HECW1: variants seen among roughly 807,000 people sequenced by gnomAD.
The protein encoded by HECW1 is E3 ubiquitin-protein ligase HECW1.
In HECW1, 61 loss-of-function variants were observed where a neutral mutation model predicts 182.3. The observed-to-expected ratio is 0.33, with a 90% CI of 0.27 to 0.41. The LOEUF (loss-of-function observed/expected upper bound fraction) is 0.41. Among genes scored for constraint, HECW1 ranks in the 10% least tolerant of loss-of-function variants. The probability of loss-of-function intolerance (pLI) is 1.00; values close to 1 mark genes in which losing one functional copy is unlikely to be tolerated. For missense variants in HECW1, 1,739 were observed against 2,108.9 expected, an observed-to-expected ratio of 0.82 and a Z score of 3.44; for synonymous variants, 859 against 832.6, an observed-to-expected ratio of 1.03 and a Z score of -0.55.
At chr7:43,485,903 C>T (rs943715488) in intron 17 of HECW1, among the ~76,000 whole-genome samples, 4 of 152,216 alleles carry the variant, frequency 2.6e-5, no homozygotes, top group South Asian at 2.1e-4. Context: ...TACATGTTTA[C>T]AATGCGCAGG....
chr7:43,390,249 G>A (rs998175914), intron 6 of HECW1, among the ~76,000 whole-genome samples: 1 of 152,090 alleles, frequency 6.6e-6, no homozygotes, highest in African/African-American at 2.4e-5. Flanking sequence ...GCATCAGAAA[G>A]CAAAGGGAGG....
At chr7:43,171,816 T>C (rs917135313) in intron 2 of HECW1, among the ~76,000 whole-genome samples, 2 of 152,116 alleles carry the variant, frequency 1.3e-5, no homozygotes, top group Non-Finnish European at 2.9e-5. Context: ...ATGGCACTTG[T>C]AGATAATAAA....
Position 43,457,764 on chromosome 7 carries a change from G to T in HECW1, c.2651+1317G>T, listed in dbSNP as rs376280424. 3.4e-4 allele frequency among the ~76,000 whole-genome samples: 50 copies of T among 145,478 alleles called. 1 individual carries two copies. In the South Asian group the frequency reaches 0.01, roughly 30 times the overall value. ...CACTCCAGCCTGGGAGACAGAGTAA[G>T]ACTCCATCTCAAAAAAAAAAAAACA... is the stretch of plus-strand genomic sequence containing the variant. On this transcript the variant is annotated intron_variant, in intron 13 of 29. Coordinates refer to ENST00000395891, the MANE Select transcript of HECW1 (RefSeq NM_015052.5).
Position 43,541,266 on chromosome 7 carries a change from G to T in HECW1, c.4118+5G>T. 6.2e-7 allele frequency: 1 copy of T among 1,608,754 alleles called. No homozygotes were observed. The highest frequency in any genetic ancestry group is 8.5e-7 in the Non-Finnish European group (1 of 1,175,162). ...CTACAAGGCACTCCTGAGACTGTAA[G>T]TGCTTTGCAGACCATGCTTCCAACC... On this transcript the variant is annotated splice_donor_5th_base_variant and intron_variant, in intron 25 of 29. Transcript: ENST00000395891.
chr7:43,462,906 C>A (rs1219092667), intron 13 of HECW1, among the ~76,000 whole-genome samples: 1 of 152,234 alleles, frequency 6.6e-6, no homozygotes. Context: ...ATACCTCTTG[C>A]CTGTCTGTGA....
intron 5 of HECW1, among the ~76,000 whole-genome samples, chr7:43,329,219 G>A (rs1204445111): frequency 6.6e-6 from 1 of 152,118 alleles, no homozygotes; most frequent in Non-Finnish European, 1.5e-5. Context: ...GGGTAGGTGA[G>A]ACAGAATTGG....
chr7:43,457,643 C>T (rs892363405), intron 13 of HECW1, among the ~76,000 whole-genome samples: 1 of 151,976 alleles, frequency 6.6e-6, no homozygotes, highest in African/African-American at 2.4e-5. Flanking sequence ...AGCGTGGTGG[C>T]AGGCACCTGT....
intron 5 of HECW1, among the ~76,000 whole-genome samples, chr7:43,331,093 G>A (rs1162792271): frequency 2.0e-5 from 3 of 151,836 alleles, no homozygotes; most frequent in Admixed American, 6.6e-5. Flanking sequence ...CCATTAACTC[G>A]TCGTTTACAT....
At chr7:43,372,381 T>C (rs969764406) in intron 6 of HECW1, among the ~76,000 whole-genome samples, 1 of 151,510 alleles carries the variant, frequency 6.6e-6, no homozygotes, top group Non-Finnish European at 1.5e-5. Context: ...TATTATACTT[T>C]AAGTTCTAGG....
intron 8 of HECW1, among the ~76,000 whole-genome samples, chr7:43,425,370 A>C (rs1490168652): frequency 6.7e-6 from 1 of 149,680 alleles, no homozygotes; most frequent in Non-Finnish European, 1.5e-5. Flanking sequence ...TCAATTCGGT[A>C]GGGTATCTTA....
chr7:43,152,248 G>A (rs948435704), intron 2 of HECW1, among the ~76,000 whole-genome samples: 6 of 152,176 alleles, frequency 3.9e-5, no homozygotes, highest in African/African-American at 1.2e-4. Flanking sequence ...AAACCCATCA[G>A]AATACAGAAC....
intron 8 of HECW1, among the ~76,000 whole-genome samples, chr7:43,428,078 G>C (rs185332265): frequency 2.0e-5 from 3 of 152,160 alleles, no homozygotes; most frequent in Non-Finnish European, 4.4e-5. Flanking sequence ...GTGTACACAG[G>C]GGGCAGGAAT....
chr7:43,518,939 CA>C (rs1172176832), intron 24 of HECW1, among the ~76,000 whole-genome samples: 1 of 152,120 alleles, frequency 6.6e-6, no homozygotes, highest in African/African-American at 2.4e-5. Context: ...TATAGCCTTT[CA>C]GGGGGGAATG....
chr7:43,163,904 T>C (rs1790818314), intron 2 of HECW1, among the ~76,000 whole-genome samples: 1 of 152,226 alleles, frequency 6.6e-6, no homozygotes, highest in Non-Finnish European at 1.5e-5. Flanking sequence ...GTCATTGTCC[T>C]GTTCTGGCAA....
chr7:43,382,698 G>T (rs77160882), intron 6 of HECW1, among the ~76,000 whole-genome samples: 131 of 152,294 alleles, frequency 8.6e-4, no homozygotes, highest in African/African-American at 3.0e-3. Flanking sequence ...TAGATGTGGG[G>T]GGAGGGGTTG....
chr7:43,312,119 A>G (rs1170079148), intron 4 of HECW1, 32 bp downstream of exon 4: 6 of 1,561,922 alleles, frequency 3.8e-6, no homozygotes, highest in Non-Finnish European at 5.3e-6. Context: ...TATTATTCAT[A>G]ATTCACTTTT....
intron 2 of HECW1, among the ~76,000 whole-genome samples, chr7:43,222,332 C>G (rs1057156945): frequency 2.6e-5 from 4 of 152,180 alleles, no homozygotes; most frequent in African/African-American, 4.8e-5. Context: ...AAATCTGGTT[C>G]CATCTCTGTA....
At chr7:43,287,767 C>T (rs1554341652) in intron 3 of HECW1, among the ~76,000 whole-genome samples, 1 of 152,186 alleles carries the variant, frequency 6.6e-6, no homozygotes, top group Non-Finnish European at 1.5e-5. Context: ...CAGTGGGAGA[C>T]TGAGAAGTGG....
At position 43,125,386 on chromosome 7, in the gene HECW1, C is replaced by T. The variant is rs192930233; in HGVS notation, c.-32+10995C>T. On this transcript the variant is annotated intron_variant, in intron 2 of 29. Coordinates refer to ENST00000395891, the MANE Select transcript of HECW1 (RefSeq NM_015052.5). Reference sequence around the variant, plus strand: ...GGCACCTCCTGACTTGCTCTGAGTCCAGAATGAAAAGTAGCGGGTAGAAGA... The same window carrying T: ...GGCACCTCCTGACTTGCTCTGAGTCTAGAATGAAAAGTAGCGGGTAGAAGA... 1.3e-3 allele frequency among the ~76,000 whole-genome samples: 199 copies of T among 152,140 alleles called. 1 individual carries two copies. Among genetic ancestry groups the T allele is most frequent in the African/African-American group, 2.8e-3 (115 of 41,506 alleles).
Sources: gnomAD v4.1 joint callset for allele counts (sites outside exome capture counted in the v4.1 genomes callset) on GRCh38, gnomAD v4.1.1 for gene constraint, MANE v1.5 for transcripts, NCBI Gene and HGNC (gene_info 2026-07-23, HGNC 2026-07-21) for gene names.